The following ATR variants were observed in gnomAD, a reference collection of about 807,000 sequenced individuals.
The protein encoded by ATR is serine/threonine-protein kinase ATR.
Under a neutral mutation model 305.3 loss-of-function variants are expected in ATR, and 142 were observed. The observed-to-expected ratio is 0.47, with a 90% confidence interval of 0.41 to 0.53. ATR has a LOEUF of 0.53. Ranked by LOEUF, ATR falls within the 20% of genes least tolerant of loss-of-function variation. The pLI, the probability that ATR is intolerant of heterozygous loss-of-function variation, is 0.00. For missense variants in ATR, 2,135 were observed against 3,133.1 expected, an observed-to-expected ratio of 0.68 and a Z score of 7.60; for synonymous variants, 1,050 against 1,068.1, an observed-to-expected ratio of 0.98 and a Z score of 0.33.
chr3:142,491,886 C>CTA (rs1030062867), intron 35 of ATR, among the ~76,000 whole-genome samples: 2 of 152,108 alleles, frequency 1.3e-5, no homozygotes, highest in African/African-American at 4.8e-5. Context: ...CTTATGGAGC[C>CTA]TATATACAAT....
At chr3:142,523,519 T>C (rs1307231602) in intron 22 of ATR, among the ~76,000 whole-genome samples, 1 of 152,174 alleles carries the variant, frequency 6.6e-6, no homozygotes, top group Non-Finnish European at 1.5e-5. Context: ...AATATACGCA[T>C]ATAGTATAAC....
Position 142,449,280 on chromosome 3 carries a change from T to G in ATR, c.*149A>C. 2.9e-6 allele frequency: 2 copies of G among 698,964 alleles called. No individual in the cohort carries two copies. The highest frequency in any genetic ancestry group is 2.0e-5 in the South Asian group (1 of 50,962). 43.3% of individuals were successfully genotyped at this position (698,964 alleles called of 1,614,324 possible). A position where few individuals can be genotyped will look rare whatever the true frequency, so the allele number is the denominator to read the frequency against. On this transcript the variant is annotated 3_prime_UTR_variant, in exon 47 of 47. Transcript: ENST00000350721. ...TTTCTTAATAACTGAATGTATATTATTTTACATATAATTAATGATCAGAGA... is the reference window on the plus strand; with the variant it reads ...TTTCTTAATAACTGAATGTATATTAGTTTACATATAATTAATGATCAGAGA...
chr3:142,471,796 T>C (rs771072333), intron 36 of ATR, among the ~76,000 whole-genome samples: 4 of 152,220 alleles, frequency 2.6e-5, no homozygotes, highest in Non-Finnish European at 4.4e-5. Context: ...TTGTTAACTA[T>C]AGTGACCATG....
chr3:142,532,549 T>C (rs1278332293), intron 21 of ATR, among the ~76,000 whole-genome samples: 2 of 152,226 alleles, frequency 1.3e-5, no homozygotes, highest in African/African-American at 2.4e-5. Flanking sequence ...AGGTGTCATC[T>C]CTTCAATGTC....
chr3:142,526,366 C>G (rs1358827898), intron 21 of ATR, among the ~76,000 whole-genome samples: 1 of 152,018 alleles, frequency 6.6e-6, no homozygotes, highest in African/African-American at 2.4e-5. Flanking sequence ...AGTTTTACAT[C>G]TTTTCCAACT....
chr3:142,566,039 T>C (rs2108493400), intron 3 of ATR, 82 bp downstream of exon 3: 3 of 1,578,848 alleles, frequency 1.9e-6, no homozygotes, highest in Non-Finnish European at 1.7e-6. Context: ...TATAATCCTG[T>C]ACATGTAATA....
intron 41 of ATR, among the ~76,000 whole-genome samples, chr3:142,464,127 A>G (rs571384182): frequency 4.2e-4 from 64 of 152,212 alleles, no homozygotes; most frequent in African/African-American, 1.5e-3. Context: ...TTATTTATCT[A>G]TTTATTTATT....
chr3:142,468,314 G>T (rs1017559638), intron 38 of ATR, among the ~76,000 whole-genome samples: 1 of 151,936 alleles, frequency 6.6e-6, no homozygotes, highest in Non-Finnish European at 1.5e-5. Context: ...AATAAACATA[G>T]ACATATCTAG....
intron 29 of ATR, among the ~76,000 whole-genome samples, chr3:142,504,089 C>T (rs549753705): frequency 3.7e-4 from 56 of 152,180 alleles, no homozygotes; most frequent in Middle Eastern, 6.8e-3. Context: ...AGAAACATGT[C>T]AAATATGACA....
intron 23 of ATR, 96 bp from the exon 24 acceptor site, chr3:142,519,880 C>A: frequency 1.1e-6 from 1 of 941,038 alleles, no homozygotes; most frequent in South Asian, 1.3e-5. Context: ...AAAAATACAG[C>A]CATAACTCAT....
In ATR at chr3:142,466,051, G is replaced by GA. The variant is rs1324781138; in HGVS notation, c.6897+272dup. Among the ~76,000 whole-genome samples the GA allele has an allele frequency of 2.0e-5, 3 of 150,486 alleles. No individual in the cohort carries two copies. In the East Asian group the frequency reaches 5.8e-4, roughly 29 times the overall value. On this transcript the variant is annotated intron_variant, in intron 40 of 46. Coordinates refer to ENST00000350721, the MANE Select transcript of ATR (RefSeq NM_001184.4). ...GAAAAGAAAAGAAAAATCAAATTGT[G>GA]AAAAAATAAAGATTATAGTCATACT...
At chr3:142,561,038 G>T (rs1043288136) in intron 5 of ATR, among the ~76,000 whole-genome samples, 17 of 152,120 alleles carry the variant, frequency 1.1e-4, no homozygotes, top group African/African-American at 4.1e-4. Context: ...ATAAAAACAT[G>T]CAAAGTAACT....
intron 41 of ATR, among the ~76,000 whole-genome samples, chr3:142,462,469 T>C (rs993904946): frequency 6.8e-6 from 1 of 147,660 alleles, no homozygotes; most frequent in African/African-American, 2.5e-5. Flanking sequence ...TGCTATTTAA[T>C]TTTTCTTTTT....
intron 1 of ATR, among the ~76,000 whole-genome samples, chr3:142,568,665 C>T (rs1398283916): frequency 6.6e-6 from 1 of 152,254 alleles, no homozygotes; most frequent in African/African-American, 2.4e-5. Flanking sequence ...CAAACCCAGG[C>T]ATCCCTGCTC....
intron 46 of ATR, 122 bp downstream of exon 46, chr3:142,453,006 A>C: frequency 6.5e-7 from 1 of 1,542,306 alleles, no homozygotes; most frequent in Non-Finnish European, 8.7e-7. Context: ...CAGAGTAATC[A>C]ATAGTCACTA....
At chr3:142,513,967 T>C (rs1373295400) in intron 25 of ATR, among the ~76,000 whole-genome samples, 4 of 152,022 alleles carry the variant, frequency 2.6e-5, no homozygotes, top group Non-Finnish European at 5.9e-5. Flanking sequence ...TTCAGTATAT[T>C]CATTAAAAAA....
At position 142,555,606 on chromosome 3, in the gene ATR, T is replaced by A. The variant is rs1343272173; in HGVS notation, c.2341+271A>T. Among the ~76,000 whole-genome samples, 7 of 152,250 alleles carry A rather than the reference T, an allele frequency of 4.6e-5. No homozygotes were observed. The East Asian group carries it at 1.4e-3, about 29-fold the overall frequency. ...CTAAAGAAGATAATCTAATATTGAA[T>A]CTTACAATATTGAAACAACCATCAG... On this transcript the variant is annotated intron_variant, in intron 10 of 46. Transcript: ENST00000350721.
intron 35 of ATR, among the ~76,000 whole-genome samples, chr3:142,487,080 C>T (rs2030989403): frequency 6.6e-6 from 1 of 151,968 alleles, no homozygotes; most frequent in South Asian, 2.1e-4. Flanking sequence ...TGCAATGAGC[C>T]AAGATCGCGC....
chr3:142,541,464 C>CAGT (rs2034050261), intron 17 of ATR, among the ~76,000 whole-genome samples: 1 of 152,034 alleles, frequency 6.6e-6, no homozygotes, highest in Non-Finnish European at 1.5e-5. Flanking sequence ...TCCTAGTAAT[C>CAGT]AGTAGTTAAG....
Sources: allele counts gnomAD v4.1 joint callset (sites outside exome capture counted in the v4.1 genomes callset), GRCh38; gene constraint gnomAD v4.1.1; transcripts MANE v1.5; gene names NCBI Gene and HGNC (gene_info 2026-07-23, HGNC 2026-07-21).